The following KLHL6 variants were observed in gnomAD, a reference collection of about 807,000 sequenced individuals.
The protein encoded by KLHL6 is kelch-like protein 6.
KLHL6 carries 41 observed loss-of-function variants against 58.6 expected under a neutral mutation model. The observed-to-expected ratio is 0.70, with a 90% CI of 0.55 to 0.91. The LOEUF (loss-of-function observed/expected upper bound fraction) is 0.91. Among genes scored for constraint, KLHL6 ranks in the 40% least tolerant of loss-of-function variants. KLHL6 has a pLI of 0.00. For missense variants in KLHL6, 714 were observed against 805.6 expected (o/e 0.89, Z 1.38); for synonymous variants, 338 against 322.7 (o/e 1.05, Z -0.51).
intron 1 of KLHL6, among the ~76,000 whole-genome samples, chr3:183,531,611 T>G (rs1202038869): frequency 6.6e-6 from 1 of 152,000 alleles, no homozygotes; most frequent in East Asian, 1.9e-4. Context: ...CACGCCTGGC[T>G]AATTTTTTGT....
chr3:183,506,877 A>T (rs527335055), intron 3 of KLHL6, among the ~76,000 whole-genome samples: 47 of 150,028 alleles, frequency 3.1e-4, no homozygotes, highest in Middle Eastern at 3.4e-3. Flanking sequence ...AATAAATAAA[A>T]GGAGAAGTCT....
At chr3:183,542,070 C>A (rs1577202213) in intron 1 of KLHL6, among the ~76,000 whole-genome samples, 1 of 152,238 alleles carries the variant, frequency 6.6e-6, no homozygotes, top group East Asian at 1.9e-4. Flanking sequence ...GGCTGCCCTG[C>A]AGGCCCTCAG....
At chr3:183,509,404 A>C (rs1276648201) in intron 2 of KLHL6, among the ~76,000 whole-genome samples, 1 of 152,226 alleles carries the variant, frequency 6.6e-6, no homozygotes, top group Non-Finnish European at 1.5e-5. Flanking sequence ...TTGTGACCTT[A>C]TTTTTATAAA....
In KLHL6 at chr3:183,491,823, G is replaced by A; in HGVS notation, c.*104C>T. On this transcript the variant is annotated 3_prime_UTR_variant, in exon 7 of 7. Coordinates refer to ENST00000341319, the MANE Select transcript of KLHL6 (RefSeq NM_130446.4). ...GAGTCAAGGGGATCCCCTGATGTAT[G>A]GCCTCAAACTCGAGCCTGCTGCCTG... The A allele has an allele frequency of 9.7e-7, 1 of 1,028,318 alleles. No individual in the cohort carries two copies. The highest frequency in any genetic ancestry group is 2.9e-5 in the East Asian group (1 of 34,818). The allele number at this position is 1,028,318 out of a possible 1,614,324, so 63.7% of individuals were successfully genotyped here. A position where few individuals can be genotyped will look rare whatever the true frequency, so the allele number is the denominator to read the frequency against.
chr3:183,552,717 CAAAAAA>C (rs1169148282), intron 1 of KLHL6, among the ~76,000 whole-genome samples: 13 of 47,608 alleles, frequency 2.7e-4, no homozygotes, highest in African/African-American at 8.0e-4. Context: ...GACTCCGTCT[CAAAAAA>C]AAAAAAAAAA....
At chr3:183,547,731 T>G (rs60445461) in intron 1 of KLHL6, among the ~76,000 whole-genome samples, 1,555 of 152,338 alleles carry the variant, frequency 0.01, 22 homozygotes, top group African/African-American at 0.035. Context: ...CTTTGCTGGA[T>G]TCTTTTTATT....
At chr3:183,534,950 A>ATATTTTT (rs1356557331) in intron 1 of KLHL6, among the ~76,000 whole-genome samples, 2 of 96,738 alleles carry the variant, frequency 2.1e-5, no homozygotes, top group African/African-American at 6.1e-5. Context: ...ATATATATAT[A>ATATTTTT]TTTTTTTTTT....
Position 183,546,911 on chromosome 3 carries a change from C to T in KLHL6, c.293+8450G>A, listed in dbSNP as rs199615893. On this transcript the variant is annotated intron_variant, in intron 1 of 6. Transcript: ENST00000341319. ...GGACTGAAACCCCAGTGCCATAAGTCTTTTTTTTTTTTTTTTTTGACGGAA... is the reference window on the plus strand; with the variant it reads ...GGACTGAAACCCCAGTGCCATAAGTTTTTTTTTTTTTTTTTTTTGACGGAA... 5.0e-4 allele frequency among the ~76,000 whole-genome samples: 67 copies of T among 132,736 alleles called. No individual in the cohort carries two copies. The East Asian group carries it at 0.011, about 22-fold the overall frequency. The allele number at this position is 132,736 out of a possible 152,430, so 87.1% of individuals were successfully genotyped here. A position where few individuals can be genotyped will look rare whatever the true frequency, so the allele number is the denominator to read the frequency against.
chr3:183,526,286 G>A (rs1711965090), intron 2 of KLHL6, among the ~76,000 whole-genome samples: 1 of 152,146 alleles, frequency 6.6e-6, no homozygotes, highest in East Asian at 1.9e-4. Flanking sequence ...ACTCCAGCCT[G>A]GGCAACAAGA....
chr3:183,531,636 C>T (rs890023450), intron 1 of KLHL6, among the ~76,000 whole-genome samples: 13 of 151,716 alleles, frequency 8.6e-5, no homozygotes, highest in South Asian at 4.2e-4. Flanking sequence ...TTAGTAGAGA[C>T]GGGGTTTCAC....
chr3:183,554,568 A>G (rs1713040295), intron 1 of KLHL6, among the ~76,000 whole-genome samples: 1 of 152,138 alleles, frequency 6.6e-6, no homozygotes, highest in Admixed American at 6.5e-5. Flanking sequence ...CATCTAAAGC[A>G]TCTTTGTAAC....
At chr3:183,529,848 G>A (rs755422351) in intron 1 of KLHL6, among the ~76,000 whole-genome samples, 1 of 152,100 alleles carries the variant, frequency 6.6e-6, no homozygotes, top group East Asian at 1.9e-4. Context: ...TGGAAATAGG[G>A]GTTTTAGGAG....
Position 183,494,113 on chromosome 3 carries a change from T to C in KLHL6, c.1316A>G (p.Glu439Gly). ...FDGLQRINNV[E>G]TYDPFHNCWS... ...GCAGTTGTGAAAGGGGTCGTAGGTC[T>C]CCACATTGTTGATTCTCTGTAAGCC... The change falls in exon 5 of 7, where the codon GAG (glutamate) becomes GGG (glycine). Residue 439 changes from glutamate to glycine, a missense_variant. This residue lies in a region of KLHL6 where 510 missense variants were observed against 629.7 expected (regional missense o/e 0.81). Coordinates refer to ENST00000341319, the MANE Select transcript of KLHL6 (RefSeq NM_130446.4). 6.2e-7 allele frequency: 1 copy of C among 1,614,198 alleles called. No individual in the cohort carries two copies.
intron 3 of KLHL6, among the ~76,000 whole-genome samples, chr3:183,505,777 T>C (rs985860029): frequency 2.0e-5 from 3 of 152,102 alleles, no homozygotes; most frequent in African/African-American, 7.2e-5. Context: ...GCCAATAAAT[T>C]CAGCAACTTA....
chr3:183,524,532 C>T (rs1035514542), intron 2 of KLHL6, among the ~76,000 whole-genome samples: 4 of 152,192 alleles, frequency 2.6e-5, no homozygotes, highest in African/African-American at 7.2e-5. Context: ...TTCATGGCAT[C>T]GCTGATTGGT....
In KLHL6 at chr3:183,501,164, G is replaced by C. The variant is rs141699255; in HGVS notation, c.910-1337C>G. 4.0e-3 allele frequency among the ~76,000 whole-genome samples: 604 copies of C among 152,332 alleles called. 2 individuals carry two copies. Among genetic ancestry groups the C allele is most frequent in the Middle Eastern group, 0.01 (3 of 294 alleles). ...CCTAGGCAATGGGCTGGCCCTGACG[G>C]TATGGACAGCAGAACAGTGCCGGGA... On this transcript the variant is annotated intron_variant, in intron 3 of 6. Transcript: ENST00000341319.
At chr3:183,495,624 A>G (rs1408506234) in intron 4 of KLHL6, among the ~76,000 whole-genome samples, 5 of 151,902 alleles carry the variant, frequency 3.3e-5, no homozygotes, top group African/African-American at 1.2e-4. Flanking sequence ...CATAAATCAG[A>G]AGACACCTTA....
chr3:183,552,517 G>A (rs1364211702), intron 1 of KLHL6, among the ~76,000 whole-genome samples: 1 of 151,818 alleles, frequency 6.6e-6, no homozygotes, highest in Admixed American at 6.6e-5. Context: ...AGGAGATGGA[G>A]ACCATCCTGG....
rs1045996960 is a variant in KLHL6, at chr3:183,555,555, C to T, written c.99G>A (p.Gln33=). 1 of 1,614,182 alleles carries T rather than the reference C, an allele frequency of 6.2e-7. No individual in the cohort carries two copies. Among genetic ancestry groups the T allele is most frequent in the Non-Finnish European group, 8.5e-7 (1 of 1,180,024 alleles). ...AGATCTCGACCAAGTCTCCTGTTTT[C>T]TGGGAGGGCTCATCTGTAGAAGGTG... is the stretch of plus-strand genomic sequence containing the variant. ...PLAPSTDEPS[Q]KTGDLVEILN... Residue 33 remains glutamine, a synonymous_variant, in exon 1 of 7, where the codon CAG becomes CAA. Coordinates refer to ENST00000341319, the MANE Select transcript of KLHL6 (RefSeq NM_130446.4).
Sources: gnomAD v4.1 joint callset for allele counts (sites outside exome capture counted in the v4.1 genomes callset) on GRCh38, gnomAD v4.1.1 for gene constraint, gnomAD v4.1.1 regional missense constraint, MANE v1.5 for transcripts, NCBI Gene and HGNC (gene_info 2026-07-23, HGNC 2026-07-21) for gene names.